The following ZNF410 variants were observed in gnomAD, a reference collection of about 807,000 sequenced individuals.
ZNF410 encodes zinc finger protein 410.
In ZNF410, 18 loss-of-function variants were observed where a neutral mutation model predicts 54.8. The ratio of observed to expected loss-of-function variants is 0.33; its 90% CI spans 0.23 to 0.49. The LOEUF (loss-of-function observed/expected upper bound fraction) is 0.49, where lower values mean the gene tolerates loss of function less well. Ranked by LOEUF, ZNF410 falls within the 20% of genes least tolerant of loss-of-function variation. The probability of loss-of-function intolerance (pLI) is 0.99; values close to 1 mark genes in which losing one functional copy is unlikely to be tolerated. For missense variants in ZNF410, 405 were observed against 569.6 expected, an observed-to-expected ratio of 0.71 and a Z score of 2.94; for synonymous variants, 191 against 207.3, an observed-to-expected ratio of 0.92 and a Z score of 0.68.
intron 8 of ZNF410, chr14:73,915,693 G>A (rs370900916): frequency 6.6e-6 from 1 of 152,230 alleles, no homozygotes; most frequent in Non-Finnish European, 1.5e-5. Flanking sequence ...CCCTTTATCA[G>A]ATGAAGGAAT....
At chr14:73,914,507 ACAGGGTCTTGC>A (rs1482993879) in intron 8 of ZNF410, 1 of 151,320 alleles carries the variant, frequency 6.6e-6, no homozygotes, top group East Asian at 2.0e-4. Flanking sequence ...TGTTATAGAG[ACAGGGTCTTGC>A]CATATTGCCC....
At chr14:73,908,832 T>TTTTG (rs148099105) in intron 7 of ZNF410, among the ~76,000 whole-genome samples, 97,504 of 151,224 alleles carry the variant, frequency 0.64, 31,576 homozygotes, top group South Asian at 0.72. Context: ...ACTGCATCTT[T>TTTTG]TTTGTTTGTT....
chr14:73,895,686 CG>C (rs1284560190), intron 3 of ZNF410, among the ~76,000 whole-genome samples: 1 of 152,026 alleles, frequency 6.6e-6, no homozygotes, highest in Non-Finnish European at 1.5e-5. Context: ...TATTACAGGC[CG>C]GGCGTGGTGG....
intron 8 of ZNF410, among the ~76,000 whole-genome samples, chr14:73,912,870 CTT>C (rs371094338): frequency 7.0e-6 from 1 of 143,878 alleles, no homozygotes; most frequent in African/African-American, 2.5e-5. Flanking sequence ...TTAGTAGTTT[CTT>C]TTTTTTTTTT....
chr14:73,923,365 T>C (rs1410948585), intron 10 of ZNF410, 30 bp from the exon 11 acceptor site: 2 of 1,606,552 alleles, frequency 1.2e-6, no homozygotes, highest in East Asian at 2.2e-5. Flanking sequence ...GATTCACTTT[T>C]CATTGAAACA....
At chr14:73,904,656 G>C (rs1260971825) in intron 6 of ZNF410, among the ~76,000 whole-genome samples, 1 of 152,084 alleles carries the variant, frequency 6.6e-6, no homozygotes, top group African/African-American at 2.4e-5. Context: ...ACAGGGTCTC[G>C]CTATGTTGCC....
intron 11 of ZNF410, among the ~76,000 whole-genome samples, chr14:73,924,254 A>G (rs1380038618): frequency 6.6e-6 from 1 of 152,116 alleles, no homozygotes; most frequent in Admixed American, 6.5e-5. Flanking sequence ...ACAGTTCACA[A>G]TAGGGTTTGC....
chr14:73,917,153 G>A (rs1358118930), intron 8 of ZNF410, among the ~76,000 whole-genome samples: 2 of 151,556 alleles, frequency 1.3e-5, no homozygotes, highest in Admixed American at 6.6e-5. Context: ...TTCTTACATC[G>A]AAAATCTTGG....
chr14:73,913,288 T>TTTTC (rs1313138677), intron 8 of ZNF410: 1 of 152,086 alleles, frequency 6.6e-6, no homozygotes, highest in African/African-American at 2.4e-5. Context: ...AAAGAACAAG[T>TTTTC]TTTCCTCTGC....
At position 73,903,321 on chromosome 14, in the gene ZNF410, C is replaced by G. The variant is rs72627126; in HGVS notation, c.581-639C>G. Among the ~76,000 whole-genome samples the G allele has an allele frequency of 6.6e-4, 100 of 152,136 alleles. 2 individuals are homozygous for G. In the South Asian group the frequency reaches 0.02, roughly 31 times the overall value. ...TTGCTATCCCTGCTTCTCCACCAAA[C>G]TGTGTAATGCAAAATGGTTTTAATT... is the stretch of plus-strand genomic sequence containing the variant. On this transcript the variant is annotated intron_variant, in intron 5 of 11. Transcript: ENST00000555044.
At chr14:73,900,221 A>G (rs909538332) in intron 5 of ZNF410, among the ~76,000 whole-genome samples, 19 of 151,934 alleles carry the variant, frequency 1.3e-4, no homozygotes, top group Non-Finnish European at 2.4e-4. Flanking sequence ...CACCCCAAAT[A>G]TAAGACAATC....
chr14:73,889,659 A>T (rs2055195579), intron 1 of ZNF410, among the ~76,000 whole-genome samples: 2 of 152,136 alleles, frequency 1.3e-5, no homozygotes, highest in Admixed American at 1.3e-4. Context: ...CTCTAAATAG[A>T]GGGATGGATA....
chr14:73,924,867 C>T, intron 11 of ZNF410: 1 of 332,614 alleles, frequency 3.0e-6, no homozygotes, highest in East Asian at 9.4e-5. Context: ...TTAGTAGAGA[C>T]AGGGTTTCAC....
intron 11 of ZNF410, among the ~76,000 whole-genome samples, chr14:73,924,428 A>G (rs942686415): frequency 6.6e-6 from 1 of 152,112 alleles, no homozygotes; most frequent in African/African-American, 2.4e-5. Flanking sequence ...TTCTGATCTA[A>G]ACAAAAAGGG....
intron 7 of ZNF410, among the ~76,000 whole-genome samples, chr14:73,909,080 A>G (rs1208772736): frequency 3.3e-5 from 5 of 152,092 alleles, no homozygotes; most frequent in East Asian, 1.9e-4. Context: ...GGTTAATGCA[A>G]CTCTCCAGCT....
intron 11 of ZNF410, among the ~76,000 whole-genome samples, chr14:73,928,194 A>G (rs1200257953): frequency 6.6e-6 from 1 of 152,140 alleles, no homozygotes; most frequent in Non-Finnish European, 1.5e-5. Context: ...GTCAGAGAAT[A>G]TGTTTTAGAG....
rs1179097358 is a variant in ZNF410 at position 73,903,080 on chromosome 14, G to A, written c.581-880G>A. Among the ~76,000 whole-genome samples the A allele has an allele frequency of 3.9e-5, 6 of 152,306 alleles. No individual in the cohort carries two copies. In the South Asian group the frequency reaches 1.2e-3, roughly 32 times the overall value. On this transcript the variant is annotated intron_variant, in intron 5 of 11. Coordinates refer to ENST00000555044, the MANE Select transcript of ZNF410 (RefSeq NM_021188.3). ...TGGAAATCTAAAAATGGCTGTCAGA[G>A]CCCACACTGAACCAGAATGACTACT... is the stretch of plus-strand genomic sequence containing the variant.
At chr14:73,911,088 T>A (rs146226989) in intron 8 of ZNF410, among the ~76,000 whole-genome samples, 50 of 152,300 alleles carry the variant, frequency 3.3e-4, no homozygotes, top group African/African-American at 1.2e-3. Flanking sequence ...AATAAAAGGA[T>A]TGCTAAGTAA....
At chr14:73,908,993 TGTAAG>T (rs574332895) in intron 7 of ZNF410, among the ~76,000 whole-genome samples, 130 of 152,250 alleles carry the variant, frequency 8.5e-4, no homozygotes, top group African/African-American at 2.7e-3. Context: ...AGAAAATTGA[TGTAAG>T]GTAAAAATCC....
Sources: allele counts gnomAD v4.1 joint callset (sites outside exome capture counted in the v4.1 genomes callset), GRCh38; gene constraint gnomAD v4.1.1; transcripts MANE v1.5; gene names NCBI Gene and HGNC (gene_info 2026-07-23, HGNC 2026-07-21).